PPP2R5C: variants seen among roughly 807,000 people sequenced by gnomAD.
PPP2R5C encodes the protein serine/threonine-protein phosphatase 2A 56 kDa regulatory subunit gamma isoform.
In PPP2R5C, 7 loss-of-function variants were observed where a neutral mutation model predicts 68.9. The observed-to-expected ratio is 0.10, with a 90% CI of 0.06 to 0.19. The LOEUF is 0.19. Among genes scored for constraint, PPP2R5C ranks in the 10% least tolerant of loss-of-function variants. PPP2R5C has a pLI of 1.00. For missense variants in PPP2R5C, 348 were observed against 641.3 expected (o/e 0.54, Z 4.94); for synonymous variants, 210 against 222.2 (o/e 0.95, Z 0.49).
intron 2 of PPP2R5C, among the ~76,000 whole-genome samples, chr14:101,769,999 C>T (rs940912403): frequency 1.3e-5 from 2 of 152,146 alleles, no homozygotes; most frequent in African/African-American, 4.8e-5. Flanking sequence ...ACCTGTACAG[C>T]ATGTCATTTA....
chr14:101,864,767 C>T (rs547314112), intron 2 of PPP2R5C, among the ~76,000 whole-genome samples: 4 of 152,218 alleles, frequency 2.6e-5, no homozygotes, highest in Non-Finnish European at 2.9e-5. Context: ...CTGGAGCTCC[C>T]GATTGGGTGG....
intron 2 of PPP2R5C, among the ~76,000 whole-genome samples, chr14:101,769,471 T>G (rs2037038271): frequency 6.6e-6 from 1 of 152,210 alleles, no homozygotes; most frequent in Non-Finnish European, 1.5e-5. Context: ...GGTTGCTGAT[T>G]TTTCTGATAC....
intron 2 of PPP2R5C, chr14:101,766,926 G>A (rs996808369): frequency 8.5e-5 from 13 of 152,132 alleles, no homozygotes; most frequent in Admixed American, 2.0e-4. Flanking sequence ...ACCATAGGTG[G>A]GTGTTGTTTC....
intron 8 of PPP2R5C, 37 bp downstream of exon 10, chr14:101,894,597 G>T (rs2045178644): frequency 2.5e-6 from 4 of 1,572,344 alleles, no homozygotes; most frequent in Non-Finnish European, 3.5e-6. Context: ...TAAGATGTGT[G>T]CATTTCACTA....
At chr14:101,919,989 A>AAC (rs2046926486) in intron 13 of PPP2R5C, among the ~76,000 whole-genome samples, 1 of 150,726 alleles carries the variant, frequency 6.6e-6, no homozygotes, top group Non-Finnish European at 1.5e-5. Context: ...AAAAAAAAAA[A>AAC]AAACCAATTC....
At chr14:101,849,207 G>A (rs573616944) in intron 1 of PPP2R5C, among the ~76,000 whole-genome samples, 4 of 152,188 alleles carry the variant, frequency 2.6e-5, no homozygotes, top group Non-Finnish European at 5.9e-5. Context: ...TTGTGCTGTG[G>A]ACATTCCTTT....
intron 1 of PPP2R5C, among the ~76,000 whole-genome samples, chr14:101,826,028 T>C (rs1461363196): frequency 6.6e-6 from 1 of 152,236 alleles, no homozygotes; most frequent in East Asian, 1.9e-4. Flanking sequence ...CACAGCAAAG[T>C]CTTTATGTAC....
chr14:101,907,098 T>G (rs948437433), intron 10 of PPP2R5C, among the ~76,000 whole-genome samples: 2 of 152,254 alleles, frequency 1.3e-5, no homozygotes, highest in African/African-American at 2.4e-5. Context: ...AGCAATAGTC[T>G]TCTGAGACTT....
At chr14:101,802,059 G>A (rs2038883531) in intron 3 of PPP2R5C, among the ~76,000 whole-genome samples, 3 of 152,166 alleles carry the variant, frequency 2.0e-5, no homozygotes, top group East Asian at 3.8e-4. Flanking sequence ...CATTCAATGG[G>A]GAAAACACAG....
At position 101,781,505 on chromosome 14, in the gene PPP2R5C, C is replaced by T. The variant is rs8012199; in HGVS notation, c.94-4513C>T. Among the ~76,000 whole-genome samples, 2,991 of 152,204 alleles carry T rather than the reference C, an allele frequency of 0.02. 53 individuals carry two copies. Among genetic ancestry groups the T allele is most frequent in the Middle Eastern group, 0.079 (23 of 290 alleles). On this transcript the variant is annotated intron_variant, in intron 2 of 14. Coordinates refer to the PPP2R5C transcript ENST00000328724. The surrounding 1 kb of genome is among the most constrained non-coding windows in gnomAD (Gnocchi z 6.4). ...CTCCTGCCGCCCCCCAGCCTCCCCG[C>T]CCCTGCCCTTGCCAGCCTGCGCCTT...
intron 1 of PPP2R5C, chr14:101,836,460 G>C (rs937675065): frequency 3.0e-6 from 2 of 668,658 alleles, no homozygotes; most frequent in Non-Finnish European, 5.5e-6. Flanking sequence ...TTGTAAATGA[G>C]TCATTCTGTT....
intron 1 of PPP2R5C, among the ~76,000 whole-genome samples, chr14:101,848,352 GA>G (rs979630723): frequency 1.3e-5 from 2 of 151,944 alleles, no homozygotes; most frequent in Non-Finnish European, 2.9e-5. Flanking sequence ...CCAATGTGGT[GA>G]AACCCCATCT....
intron 12 of PPP2R5C, chr14:101,914,269 C>T (rs929396535): frequency 2.7e-5 from 12 of 449,022 alleles, no homozygotes; most frequent in South Asian, 9.5e-5. Context: ...CCATCTGTGA[C>T]GCAGTCCCCA....
intron 2 of PPP2R5C, among the ~76,000 whole-genome samples, chr14:101,865,173 T>G (rs1483641130): frequency 6.6e-6 from 1 of 152,146 alleles, no homozygotes; most frequent in African/African-American, 2.4e-5. Flanking sequence ...GCTAACATTA[T>G]TTAGAGCTCT....
At chr14:101,816,285 C>T (rs2039663644) in intron 1 of PPP2R5C, among the ~76,000 whole-genome samples, 1 of 152,158 alleles carries the variant, frequency 6.6e-6, no homozygotes, top group Non-Finnish European at 1.5e-5. Context: ...ATAGGACCGC[C>T]AAGTGGTCTA....
At chr14:101,880,616 C>T (rs1267516466) in intron 2 of PPP2R5C, among the ~76,000 whole-genome samples, 1 of 152,032 alleles carries the variant, frequency 6.6e-6, no homozygotes, top group African/African-American at 2.4e-5. Context: ...GGCAACGTAG[C>T]GAGTTCTTGT....
chr14:101,868,054 G>T (rs968354236), intron 2 of PPP2R5C, among the ~76,000 whole-genome samples: 1 of 152,136 alleles, frequency 6.6e-6, no homozygotes, highest in Non-Finnish European at 1.5e-5. Context: ...TGTGGGGCAC[G>T]TTCCTTCTTC....
chr14:101,861,686 C>T (rs1187650360), intron 2 of PPP2R5C, among the ~76,000 whole-genome samples: 1 of 152,150 alleles, frequency 6.6e-6, no homozygotes, highest in Admixed American at 6.5e-5. Flanking sequence ...GCTGCCGGCG[C>T]CAGTCAGGAG....
At chr14:101,761,368 C>A (rs575471169), upstream of PPP2R5C, among the ~76,000 whole-genome samples, 1 of 152,030 alleles carries the variant, frequency 6.6e-6, no homozygotes, top group Admixed American at 6.5e-5. Flanking sequence ...CAGCCACATG[C>A]TCCCTCCCCT....
Sources: gnomAD v4.1 joint callset for allele counts (sites outside exome capture counted in the v4.1 genomes callset) on GRCh38, gnomAD v4.1.1 for gene constraint, Gnocchi (gnomAD v3.1) non-coding constraint, MANE v1.5 for transcripts, NCBI Gene and HGNC (gene_info 2026-07-23, HGNC 2026-07-21) for gene names.